DGKZ: variants seen among roughly 807,000 people sequenced by gnomAD.
DGKZ encodes the protein DAG kinase zeta.
Under a neutral mutation model 142.5 loss-of-function variants are expected in DGKZ, and 45 were observed. That is an observed-to-expected ratio of 0.32 (90% CI 0.25 to 0.40). The LOEUF is 0.40. DGKZ is among the 10% of genes least tolerant of loss of function. DGKZ has a pLI of 1.00. For missense variants in DGKZ, 755 were observed against 1,306.5 expected (o/e 0.58, Z 6.51); for synonymous variants, 442 against 527.0 (o/e 0.84, Z 2.21).
Position 46,366,501 on chromosome 11 carries a change from G to A in DGKZ, c.162-790G>A, listed in dbSNP as rs1439429431. 4 of 1,584,676 alleles carry A rather than the reference G, an allele frequency of 2.5e-6. No individual in the cohort carries two copies. Among genetic ancestry groups the A allele is most frequent in the Admixed American group, 1.8e-5 (1 of 56,146 alleles). On this transcript the variant is annotated intron_variant, in intron 1 of 30. Transcript: ENST00000527911. ...CGCTCCAGCACTGTGCCCCCTTCCT[G>A]CAACCCCCGCTTCATCGTGGATAAG...
chr11:46,367,673 C>T lies in DGKZ; in HGVS notation c.292C>T (p.His98Tyr). Residue 98 changes from histidine (H) to tyrosine (Y), a missense_variant, in exon 3 of 31, where the codon CAC (histidine) becomes TAC (tyrosine). This residue lies in a region of DGKZ where 81 missense variants were observed against 86.5 expected (regional missense o/e 0.94). Coordinates refer to ENST00000527911, the Ensembl canonical transcript of DGKZ. The surrounding 1 kb of genome is among the most constrained non-coding windows in gnomAD (Gnocchi z 4.1). ...CTAGGAGTCAGCGACATATGGGGAG[C>T]ACATCTGGTTCGAGACCAACGTGTC... is the stretch of plus-strand genomic sequence containing the variant. The T allele has an allele frequency of 6.2e-7, 1 of 1,605,838 alleles. No individual in the cohort carries two copies. Among genetic ancestry groups the T allele is most frequent in the Non-Finnish European group, 8.5e-7 (1 of 1,175,058 alleles).
At chr11:46,378,696 T>G (rs1000853066) in intron 27 of DGKZ, 196 bp downstream of exon 27, 16 of 876,192 alleles carry the variant, frequency 1.8e-5, no homozygotes, top group Non-Finnish European at 2.9e-5. Context: ...TGGCTCCTAG[T>G]AGGGGCTTCC....
At chr11:46,337,408 GC>G (rs1314055279) in intron 1 of DGKZ, among the ~76,000 whole-genome samples, 1 of 145,342 alleles carries the variant, frequency 6.9e-6, no homozygotes, top group Non-Finnish European at 1.5e-5. Context: ...CAATTCTCCT[GC>G]CTCAGCCTGC....
rs1490341194 is a variant in DGKZ, at chr11:46,372,814, C to T, written c.1115C>T (p.Pro372Leu). Residue 372 changes from proline to leucine, a missense_variant, in exon 13 of 31, where the codon CCG (proline) becomes CTG (leucine). Pro to Leu is a moderately conservative substitution (Grantham distance 98). Around this residue, in one of 8 missense-constraint regions of DGKZ, gnomAD observed 191 missense variants for 472.1 expected, o/e 0.40. Transcript: ENST00000527911. This position sits in a 1 kb window ranked among gnomAD's most constrained non-coding sequence, Gnocchi z 5.9. ...ACCCTGGACCAGCTACGCCTGAAGC[C>T]GCCACCCCCTGTTGCCATCCTGCCC... 10 of 1,603,600 alleles carry T rather than the reference C, an allele frequency of 6.2e-6. No individual in the cohort carries two copies. Among genetic ancestry groups the T allele is most frequent in the African/African-American group, 2.7e-5 (2 of 74,604 alleles).
chr11:46,347,350 G>A (rs1328579456), upstream of DGKZ: 1 of 984,700 alleles, frequency 1.0e-6, no homozygotes, highest in Non-Finnish European at 1.2e-6. The surrounding 1 kb of genome is among the most constrained non-coding windows in gnomAD (Gnocchi z 6.4). Flanking sequence ...CGCAGCGGGC[G>A]TCCGGCAGAG....
At chr11:46,352,421 C>G (rs1049591165) in intron 1 of DGKZ, among the ~76,000 whole-genome samples, 2 of 152,208 alleles carry the variant, frequency 1.3e-5, no homozygotes, top group Non-Finnish European at 2.9e-5. Context: ...CTCTAGCTGC[C>G]GGGCGGAGCC....
Position 46,375,837 on chromosome 11 carries a change from G to T in DGKZ, c.1911-14G>T. The T allele has an allele frequency of 6.4e-7, 1 of 1,552,378 alleles. No homozygotes were observed. Among genetic ancestry groups the T allele is most frequent in the Non-Finnish European group, 8.7e-7 (1 of 1,149,142 alleles). ...GCCCTTGCTGAGCCCCCGCTTGCCGGCCCTGCCCGACAGCCAGCAGCCGGT... is the reference window on the plus strand; with the variant it reads ...GCCCTTGCTGAGCCCCCGCTTGCCGTCCCTGCCCGACAGCCAGCAGCCGGT... On this transcript the variant is annotated splice_polypyrimidine_tract_variant and intron_variant, in intron 20 of 30. Coordinates refer to ENST00000527911, the Ensembl canonical transcript of DGKZ.
intron 1 of DGKZ, among the ~76,000 whole-genome samples, chr11:46,340,183 A>G (rs1328973781): frequency 6.6e-6 from 1 of 152,254 alleles, no homozygotes; most frequent in African/African-American, 2.4e-5. Context: ...AGGCTTGCAA[A>G]GGCCTAGACT....
At chr11:46,377,086 A>G in exon 25 of DGKZ, 2 of 1,613,364 alleles carry the variant, frequency 1.2e-6, no homozygotes, top group Non-Finnish European at 1.7e-6. Context: ...CACCTCAACT[A>G]TGTGACTGAG....
intron 15 of DGKZ, 21 bp from the exon 16 acceptor site, chr11:46,374,378 C>T: frequency 6.2e-7 from 1 of 1,614,022 alleles, no homozygotes; most frequent in Non-Finnish European, 8.5e-7. Context: ...TCACTGGCCC[C>T]CACTGCTTGT....
upstream of DGKZ, among the ~76,000 whole-genome samples, chr11:46,344,905 T>G (rs1235924719): frequency 6.6e-6 from 1 of 152,160 alleles, no homozygotes; most frequent in Non-Finnish European, 1.5e-5. Flanking sequence ...CACACAGAGC[T>G]GGTAAGAGGC....
intron 1 of DGKZ, among the ~76,000 whole-genome samples, chr11:46,363,827 G>C (rs951707704): frequency 2.0e-5 from 3 of 152,198 alleles, no homozygotes; most frequent in Non-Finnish European, 4.4e-5. Flanking sequence ...GTGCCCTGAC[G>C]GCAGGGGGCA....
At chr11:46,339,424 T>A (rs1453155921) in intron 1 of DGKZ, among the ~76,000 whole-genome samples, 1 of 152,066 alleles carries the variant, frequency 6.6e-6, no homozygotes, top group Non-Finnish European at 1.5e-5. Flanking sequence ...TTTCTTTCCT[T>A]TGAAAAGGGC....
intron 4 of DGKZ, chr11:46,368,295 G>A (rs181637954): frequency 7.8e-5 from 50 of 640,364 alleles, no homozygotes; most frequent in African/African-American, 7.2e-4. Context: ...CAAACCTGGC[G>A]CCTAGTGGGT....
chr11:46,335,704 C>T (rs1345265230), intron 1 of DGKZ, among the ~76,000 whole-genome samples: 2 of 152,230 alleles, frequency 1.3e-5, no homozygotes, highest in Non-Finnish European at 2.9e-5. Context: ...TCTAGGAACC[C>T]AGTCTCAGTC....
chr11:46,379,479 T>C (rs1441704915), exon 30 of DGKZ: 1 of 1,610,516 alleles, frequency 6.2e-7, no homozygotes, highest in African/African-American at 1.3e-5. Context: ...CGGGGAGACC[T>C]GTTTGCACCA....
chr11:46,354,512 G>A (rs1028000489), intron 1 of DGKZ, among the ~76,000 whole-genome samples: 3 of 152,188 alleles, frequency 2.0e-5, no homozygotes, highest in Non-Finnish European at 4.4e-5. Flanking sequence ...GTCTTTTTAA[G>A]AAATGATTTT....
At chr11:46,337,403 C>A (rs1164596149) in intron 1 of DGKZ, among the ~76,000 whole-genome samples, 1 of 143,790 alleles carries the variant, frequency 7.0e-6, no homozygotes, top group Non-Finnish European at 1.5e-5. Flanking sequence ...TCAAGCAATT[C>A]TCCTGCCTCA....
At chr11:46,355,583 C>G (rs1941922196) in intron 1 of DGKZ, among the ~76,000 whole-genome samples, 1 of 152,138 alleles carries the variant, frequency 6.6e-6, no homozygotes, top group Admixed American at 6.5e-5. Flanking sequence ...GGTCATGTAG[C>G]TGGTCAGAGG....
Sources: gnomAD v4.1 joint callset for allele counts (sites outside exome capture counted in the v4.1 genomes callset) on GRCh38, gnomAD v4.1.1 for gene constraint, gnomAD v4.1.1 regional missense constraint, Gnocchi (gnomAD v3.1) non-coding constraint, MANE v1.5 for transcripts, NCBI Gene and HGNC (gene_info 2026-07-23, HGNC 2026-07-21) for gene names.